CDKAL1: variants seen among roughly 807,000 people sequenced by gnomAD.
CDKAL1 encodes the protein threonylcarbamoyladenosine tRNA methylthiotransferase.
In CDKAL1, 32 loss-of-function variants were observed where a neutral mutation model predicts 68.2. The ratio of observed to expected loss-of-function variants is 0.47; its 90% CI spans 0.35 to 0.63. The LOEUF is 0.63. Among genes scored for constraint, CDKAL1 ranks in the 30% least tolerant of loss-of-function variants. CDKAL1 has a pLI of 0.00. For missense variants in CDKAL1, 606 were observed against 696.7 expected (o/e 0.87, Z 1.47); for synonymous variants, 234 against 244.3 (o/e 0.96, Z 0.39).
intron 9 of CDKAL1, among the ~76,000 whole-genome samples, chr6:20,923,674 G>A (rs950886011): frequency 2.0e-5 from 3 of 152,178 alleles, no homozygotes; most frequent in Admixed American, 6.5e-5. Flanking sequence ...AGGCCTCTAA[G>A]TGTTCAAGTG....
chr6:20,668,056 T>C (rs1204710997), intron 5 of CDKAL1, among the ~76,000 whole-genome samples: 1 of 151,908 alleles, frequency 6.6e-6, no homozygotes, highest in Non-Finnish European at 1.5e-5. Flanking sequence ...TTCTCTCTCC[T>C]CCCTTTGTGT....
chr6:20,758,895 G>A (rs1324967029), intron 7 of CDKAL1, among the ~76,000 whole-genome samples: 1 of 152,132 alleles, frequency 6.6e-6, no homozygotes, highest in Non-Finnish European at 1.5e-5. Context: ...AGCAGTTGGG[G>A]CTGGGGCTGA....
At chr6:20,987,855 C>G (rs1257112202) in intron 10 of CDKAL1, among the ~76,000 whole-genome samples, 2 of 151,770 alleles carry the variant, frequency 1.3e-5, no homozygotes, top group Non-Finnish European at 2.9e-5. Context: ...TCACGACTCA[C>G]TGCAGCCTTG....
intron 6 of CDKAL1, among the ~76,000 whole-genome samples, chr6:20,753,953 CTGTATG>C (rs981146455): frequency 1.8e-4 from 20 of 113,854 alleles, no homozygotes; most frequent in African/African-American, 6.2e-4. Flanking sequence ...TCGTTATTAT[CTGTATG>C]TGTGTGTGTG....
chr6:20,957,822 T>C (rs1320653756), intron 10 of CDKAL1, among the ~76,000 whole-genome samples: 1 of 151,664 alleles, frequency 6.6e-6, no homozygotes, highest in Non-Finnish European at 1.5e-5. Context: ...AACACAGAAA[T>C]TAGCTGGGTG....
At chr6:20,975,371 T>C (rs968679313) in intron 10 of CDKAL1, among the ~76,000 whole-genome samples, 1 of 152,232 alleles carries the variant, frequency 6.6e-6, no homozygotes, top group African/African-American at 2.4e-5. Flanking sequence ...TATTTAGTAG[T>C]CCCTTTTTTT....
intron 4 of CDKAL1, among the ~76,000 whole-genome samples, chr6:20,560,882 T>G (rs1302014265): frequency 6.6e-6 from 1 of 152,166 alleles, no homozygotes; most frequent in Non-Finnish European, 1.5e-5. Flanking sequence ...TATGATTGAT[T>G]AAGGACTTTT....
chr6:20,752,425 T>G (rs1773966265), intron 6 of CDKAL1, among the ~76,000 whole-genome samples: 1 of 152,150 alleles, frequency 6.6e-6, no homozygotes, highest in Admixed American at 6.5e-5. Flanking sequence ...TCAAGCAAAT[T>G]CTGTGTGACC....
intron 11 of CDKAL1, among the ~76,000 whole-genome samples, chr6:21,019,502 T>G (rs1360304313): frequency 1.3e-5 from 2 of 152,238 alleles, no homozygotes; most frequent in Non-Finnish European, 2.9e-5. Flanking sequence ...TAGAGGAATT[T>G]TGTCTTGCAT....
intron 11 of CDKAL1, among the ~76,000 whole-genome samples, chr6:21,006,566 C>CTTTTAGAACTTT (rs1291102164): frequency 2.0e-5 from 3 of 152,312 alleles, no homozygotes; most frequent in Middle Eastern, 3.4e-3. Context: ...TTTCCCTTCT[C>CTTTTAGAACTTT]TCCATTGCTA....
At chr6:20,775,751 A>G (rs1382864480) in intron 7 of CDKAL1, among the ~76,000 whole-genome samples, 1 of 152,226 alleles carries the variant, frequency 6.6e-6, no homozygotes, top group Non-Finnish European at 1.5e-5. Context: ...TAAAATAGGT[A>G]GTAAATAGTA....
intron 10 of CDKAL1, among the ~76,000 whole-genome samples, chr6:20,966,374 G>A (rs371793981): frequency 7.2e-5 from 11 of 152,250 alleles, no homozygotes; most frequent in African/African-American, 1.4e-4. Flanking sequence ...GAAACATAAG[G>A]ATTATTGTTA....
intron 4 of CDKAL1, among the ~76,000 whole-genome samples, chr6:20,573,808 G>A (rs998082831): frequency 6.6e-6 from 1 of 152,134 alleles, no homozygotes; most frequent in Non-Finnish European, 1.5e-5. Flanking sequence ...ATTGAATAAG[G>A]ATGCCGTACA....
chr6:20,599,131 A>G (rs1581793689), intron 4 of CDKAL1, among the ~76,000 whole-genome samples: 1 of 152,080 alleles, frequency 6.6e-6, no homozygotes, highest in African/African-American at 2.4e-5. Context: ...TGGTTCTCCT[A>G]TAATCTCCAG....
In CDKAL1 at chr6:21,231,064, A is replaced by G. The variant is rs770670353; in HGVS notation, c.*25A>G. 2.1e-5 allele frequency: 32 copies of G among 1,510,698 alleles called. No homozygotes were observed. The highest frequency in any genetic ancestry group is 2.8e-5 in the African/African-American group (2 of 71,998). The allele number at this position is 1,510,698 out of a possible 1,614,324, so 93.6% of individuals were successfully genotyped here. ...GAATACAACTAATGGAAACATCTAT[A>G]AAGAAGAATACATTTCTAATTAAAA... On this transcript the variant is annotated 3_prime_UTR_variant, in exon 16 of 16. Coordinates refer to ENST00000274695, the MANE Select transcript of CDKAL1 (RefSeq NM_017774.3).
intron 7 of CDKAL1, among the ~76,000 whole-genome samples, chr6:20,764,803 A>C (rs1055170376): frequency 1.3e-5 from 2 of 152,196 alleles, no homozygotes; most frequent in East Asian, 3.9e-4. Flanking sequence ...GCATTTCAAT[A>C]AAATAATTTT....
chr6:21,038,516 C>T lies in CDKAL1; in HGVS notation c.1056-26532C>T, dbSNP rs72834361. 5.5e-3 allele frequency among the ~76,000 whole-genome samples: 838 copies of T among 152,318 alleles called. 3 individuals are homozygous for T. The highest frequency in any genetic ancestry group is 8.4e-3 in the Non-Finnish European group (569 of 68,034). On this transcript the variant is annotated intron_variant, in intron 11 of 15. Coordinates refer to ENST00000274695, the MANE Select transcript of CDKAL1 (RefSeq NM_017774.3). ...ATTTTTTACAAAGGTATTCAGAGAT[C>T]TCTTTTTTGTACCAATCTGAAATTA...
chr6:21,176,876 T>G (rs1310225063), intron 13 of CDKAL1, among the ~76,000 whole-genome samples: 1 of 151,722 alleles, frequency 6.6e-6, no homozygotes, highest in African/African-American at 2.4e-5. Context: ...TTTTTGTAGT[T>G]TTAGTAGAGA....
intron 5 of CDKAL1, among the ~76,000 whole-genome samples, chr6:20,721,730 T>G (rs901332049): frequency 7.6e-6 from 1 of 131,662 alleles, no homozygotes; most frequent in African/African-American, 3.2e-5. Context: ...CTTCTGTTTT[T>G]TTTTTTTTTT....
Sources: gnomAD v4.1 joint callset for allele counts (sites outside exome capture counted in the v4.1 genomes callset) on GRCh38, gnomAD v4.1.1 for gene constraint, MANE v1.5 for transcripts, NCBI Gene and HGNC (gene_info 2026-07-23, HGNC 2026-07-21) for gene names.